TMEM132D: variants seen among roughly 807,000 people sequenced by gnomAD.
The protein encoded by TMEM132D is transmembrane protein 132D, also known as mature OL transmembrane protein.
A neutral mutation model predicts 62.3 loss-of-function variants in TMEM132D; 21 were observed. The observed-to-expected ratio is 0.34, with a 90% CI of 0.24 to 0.49. The LOEUF (loss-of-function observed/expected upper bound fraction) is 0.49, where lower values mean the gene tolerates loss of function less well. Ranked by LOEUF, TMEM132D falls within the 20% of genes least tolerant of loss-of-function variation. The pLI, the probability that TMEM132D is intolerant of heterozygous loss-of-function variation, is 0.99. For missense variants in TMEM132D, 1,346 were observed against 1,402.8 expected (o/e 0.96, Z 0.65); for synonymous variants, 621 against 575.6 (o/e 1.08, Z -1.13).
rs1214125596 is a variant in TMEM132D at position 129,432,111 on chromosome 12, ATGGATGGATAGG to A, written c.1116-94306_1116-94295del. Among the ~76,000 whole-genome samples the A allele has an allele frequency of 4.1e-3, 619 of 151,294 alleles. 6 individuals are homozygous for A. Among genetic ancestry groups the A allele is most frequent in the African/African-American group, 0.013 (524 of 40,904 alleles). ...AATTATGTTGCATATGGATGAATGA[ATGGATGGATAGG>A]TGGATGGATGGATGGATGGATGGAT... On this transcript the variant is annotated intron_variant, in intron 3 of 8. Transcript: ENST00000422113.
intron 3 of TMEM132D, among the ~76,000 whole-genome samples, chr12:129,351,210 G>A (rs770183665): frequency 3.1e-4 from 47 of 152,266 alleles, no homozygotes; most frequent in Admixed American, 9.8e-4. Context: ...ATGTGAGGTC[G>A]TGCTTATCTC....
chr12:129,628,926 CTT>C (rs1222197303), intron 2 of TMEM132D, among the ~76,000 whole-genome samples: 2 of 151,266 alleles, frequency 1.3e-5, no homozygotes, highest in African/African-American at 4.9e-5. Flanking sequence ...TTCTATCTCT[CTT>C]TCTCTCTCTC....
intron 4 of TMEM132D, among the ~76,000 whole-genome samples, chr12:129,304,844 AG>A (rs923609126): frequency 3.3e-4 from 50 of 152,072 alleles, no homozygotes; most frequent in African/African-American, 1.2e-3. Context: ...TTGTGTTTTT[AG>A]TAGAGACAGG....
At chr12:129,899,924 T>G (rs1875296437) in intron 1 of TMEM132D, among the ~76,000 whole-genome samples, 1 of 150,930 alleles carries the variant, frequency 6.6e-6, no homozygotes, top group South Asian at 2.1e-4. Context: ...TCCCAAAAAG[T>G]TCCTGACCCC....
In TMEM132D at chr12:129,336,764, A is replaced by G. The variant is rs189390195; in HGVS notation, c.1299+870T>C. On this transcript the variant is annotated intron_variant, in intron 4 of 8. Transcript: ENST00000422113. ...GCCACCAGAGGCAGGAGAAACGCCG[A>G]GTGTGGAGTGTGGGAAACAGCATGC... Among the ~76,000 whole-genome samples, 55 of 152,206 alleles carry G rather than the reference A, an allele frequency of 3.6e-4. No individual in the cohort carries two copies. In the East Asian group the frequency reaches 9.7e-3, roughly 27 times the overall value.
chr12:129,450,567 A>C (rs1325534004), intron 3 of TMEM132D, among the ~76,000 whole-genome samples: 1 of 152,120 alleles, frequency 6.6e-6, no homozygotes, highest in Admixed American at 6.5e-5. Flanking sequence ...TTTCAAAAGA[A>C]AAAAACAAGC....
At chr12:129,107,831 T>G (rs963657383) in intron 5 of TMEM132D, among the ~76,000 whole-genome samples, 1 of 150,478 alleles carries the variant, frequency 6.6e-6, no homozygotes, top group Non-Finnish European at 1.5e-5. Flanking sequence ...GGACTACAGG[T>G]GTGCACCACC....
At chr12:129,682,578 C>G (rs1242979973) in intron 2 of TMEM132D, among the ~76,000 whole-genome samples, 1 of 152,122 alleles carries the variant, frequency 6.6e-6, no homozygotes, top group African/African-American at 2.4e-5. Context: ...TTGGATGTCA[C>G]TGTAATTTGC....
chr12:129,423,122 C>T (rs540828202), intron 3 of TMEM132D, among the ~76,000 whole-genome samples: 14 of 151,788 alleles, frequency 9.2e-5, no homozygotes, highest in Admixed American at 3.3e-4. Context: ...TGGAAGAGTA[C>T]ACAGAACAAT....
intron 1 of TMEM132D, among the ~76,000 whole-genome samples, chr12:129,731,149 G>A (rs569630613): frequency 6.6e-6 from 1 of 152,154 alleles, no homozygotes; most frequent in South Asian, 2.1e-4. Context: ...ACGGTAGAAG[G>A]TTTATATAAT....
intron 1 of TMEM132D, among the ~76,000 whole-genome samples, chr12:129,789,027 G>C (rs942912221): frequency 6.6e-6 from 1 of 152,162 alleles, no homozygotes; most frequent in Non-Finnish European, 1.5e-5. Context: ...AAACCCCGTG[G>C]TTGCAAATCA....
intron 4 of TMEM132D, among the ~76,000 whole-genome samples, chr12:129,332,918 GA>G (rs1869156179): frequency 1.3e-5 from 2 of 152,106 alleles, no homozygotes; most frequent in South Asian, 2.1e-4. Flanking sequence ...TTTGCAAGAT[GA>G]AAAAGTTCCA....
At chr12:129,513,840 ATTTATTTATTT>A (rs1875580631) in intron 3 of TMEM132D, among the ~76,000 whole-genome samples, 1 of 113,068 alleles carries the variant, frequency 8.8e-6, no homozygotes, top group Non-Finnish European at 1.8e-5. Context: ...TTATTTATTT[ATTTATTTATTT>A]TTTTGAGACG....
At chr12:129,762,771 A>G (rs1466849259) in intron 1 of TMEM132D, among the ~76,000 whole-genome samples, 1 of 152,154 alleles carries the variant, frequency 6.6e-6, no homozygotes, top group Non-Finnish European at 1.5e-5. Context: ...GGGGAGATGA[A>G]CTGAAAGCAA....
chr12:129,248,117 A>T (rs990703377), intron 4 of TMEM132D, among the ~76,000 whole-genome samples: 1 of 152,234 alleles, frequency 6.6e-6, no homozygotes, highest in African/African-American at 2.4e-5. Flanking sequence ...ATATCTAATA[A>T]TTCTCAGTAA....
chr12:129,495,272 G>A (rs1171511431), intron 3 of TMEM132D, among the ~76,000 whole-genome samples: 1 of 152,168 alleles, frequency 6.6e-6, no homozygotes, highest in Non-Finnish European at 1.5e-5. Context: ...GCAAAACGAG[G>A]TGCAGTTTAG....
intron 4 of TMEM132D, among the ~76,000 whole-genome samples, chr12:129,322,473 T>C (rs543979339): frequency 6.6e-6 from 1 of 152,290 alleles, no homozygotes; most frequent in East Asian, 1.9e-4. Flanking sequence ...GGTAGCAACA[T>C]GCAACAACTG....
At chr12:129,142,929 C>T (rs1299843485) in intron 5 of TMEM132D, among the ~76,000 whole-genome samples, 1 of 152,164 alleles carries the variant, frequency 6.6e-6, no homozygotes, top group East Asian at 1.9e-4. Flanking sequence ...CTCAACTACT[C>T]ATTGTGGTCT....
intron 2 of TMEM132D, among the ~76,000 whole-genome samples, chr12:129,644,985 A>T (rs923747962): frequency 7.9e-5 from 4 of 50,932 alleles, no homozygotes; most frequent in Admixed American, 3.4e-4. Context: ...TAGTCCATCT[A>T]AAAAAAAAAA....
Sources: allele counts gnomAD v4.1 joint callset (sites outside exome capture counted in the v4.1 genomes callset), GRCh38; gene constraint gnomAD v4.1.1; transcripts MANE v1.5; gene names NCBI Gene and HGNC (gene_info 2026-07-23, HGNC 2026-07-21).